Variants in THSD7B observed in about 807,000 individuals in gnomAD.
The protein encoded by THSD7B is thrombospondin type-1 domain-containing protein 7B.
In THSD7B, 138 loss-of-function variants were observed where a neutral mutation model predicts 213.6. That is an observed-to-expected ratio of 0.65 (90% CI 0.56 to 0.74). The LOEUF (loss-of-function observed/expected upper bound fraction) is 0.74. Among genes scored for constraint, THSD7B ranks in the 30% least tolerant of loss-of-function variants. The probability of loss-of-function intolerance (pLI) is 0.00; values close to 1 mark genes in which losing one functional copy is unlikely to be tolerated. For synonymous variants in THSD7B, 742 were observed against 687.0 expected (o/e 1.08, Z -1.25); for missense variants, 1,931 against 1,991.5 (o/e 0.97, Z 0.58).
chr2:136,835,988 T>C (rs1682835405), intron 1 of THSD7B, among the ~76,000 whole-genome samples: 1 of 152,202 alleles, frequency 6.6e-6, no homozygotes, highest in Non-Finnish European at 1.5e-5. Flanking sequence ...GACTACTCTT[T>C]AATCTTTGTT....
chr2:137,659,587 A>T (rs1176753174), intron 24 of THSD7B, 77 bp from the exon 25 acceptor site: 1 of 1,347,350 alleles, frequency 7.4e-7, no homozygotes, highest in East Asian at 2.6e-5. Flanking sequence ...CCGGTGGCAC[A>T]GGTTAAAAAA....
chr2:137,331,880 CG>C (rs1041779891), intron 12 of THSD7B, among the ~76,000 whole-genome samples: 6 of 152,130 alleles, frequency 3.9e-5, no homozygotes, highest in African/African-American at 9.6e-5. Context: ...CCGGGGCCGG[CG>C]GGGCCGGCCG....
chr2:137,423,072 C>T (rs1686962207), intron 14 of THSD7B, among the ~76,000 whole-genome samples: 1 of 152,004 alleles, frequency 6.6e-6, no homozygotes, highest in African/African-American at 2.4e-5. Flanking sequence ...AGAAAGTAAA[C>T]AGAACTTCTA....
At chr2:137,249,572 G>A (rs1319328636) in intron 10 of THSD7B, among the ~76,000 whole-genome samples, 1 of 152,152 alleles carries the variant, frequency 6.6e-6, no homozygotes, top group East Asian at 1.9e-4. Flanking sequence ...AGAAAGACCT[G>A]AAATCTACAG....
rs553559076 is a variant in THSD7B at position 137,430,820 on chromosome 2, T to C, written c.2959+18948T>C. Among the ~76,000 whole-genome samples, 19 of 152,030 alleles carry C rather than the reference T, an allele frequency of 1.2e-4. No individual in the cohort carries two copies. The South Asian group carries it at 4.0e-3, about 32-fold the overall frequency. On this transcript the variant is annotated intron_variant, in intron 14 of 27. Transcript: ENST00000409968. ...TGAGACAAGTCAGCAACCATAGGGA[T>C]GGGGAGGGAAGACACTGACCAGAGG... is the stretch of plus-strand genomic sequence containing the variant.
chr2:137,586,374 C>T (rs1681727992), intron 17 of THSD7B, among the ~76,000 whole-genome samples: 1 of 152,158 alleles, frequency 6.6e-6, no homozygotes, highest in East Asian at 1.9e-4. Context: ...TTGATCCTGT[C>T]ATTATGATGC....
intron 1 of THSD7B, among the ~76,000 whole-genome samples, chr2:136,789,612 G>C (rs1434912002): frequency 6.6e-6 from 1 of 152,072 alleles, no homozygotes; most frequent in South Asian, 2.1e-4. Flanking sequence ...AAAAAGATTT[G>C]CTGTGTGCTC....
intron 2 of THSD7B, among the ~76,000 whole-genome samples, chr2:136,899,052 A>T (rs1318228770): frequency 6.6e-6 from 1 of 152,154 alleles, no homozygotes; most frequent in Admixed American, 6.5e-5. Context: ...AATATAGCAA[A>T]TACCCTTTAA....
At chr2:137,528,671 C>G (rs1048878121) in intron 15 of THSD7B, among the ~76,000 whole-genome samples, 1 of 152,018 alleles carries the variant, frequency 6.6e-6, no homozygotes, top group African/African-American at 2.4e-5. Flanking sequence ...TTCAATAATT[C>G]CCTTAGATTT....
intron 12 of THSD7B, among the ~76,000 whole-genome samples, chr2:137,370,510 C>G (rs946228266): frequency 7.2e-5 from 11 of 152,072 alleles, no homozygotes; most frequent in African/African-American, 2.7e-4. Flanking sequence ...ACTCTGTTGC[C>G]CAGTCTGGAA....
chr2:136,898,365 T>C (rs1684000761), intron 2 of THSD7B, among the ~76,000 whole-genome samples: 2 of 152,178 alleles, frequency 1.3e-5, no homozygotes, highest in African/African-American at 4.8e-5. Flanking sequence ...TGCAATAGAT[T>C]GTTTAAAAAT....
intron 15 of THSD7B, among the ~76,000 whole-genome samples, chr2:137,542,123 A>G (rs1680621824): frequency 6.6e-6 from 1 of 151,762 alleles, no homozygotes; most frequent in African/African-American, 2.4e-5. Flanking sequence ...TGTGGAACAT[A>G]AACTCAGAGC....
chr2:137,219,181 G>T (rs1354171441), intron 7 of THSD7B, among the ~76,000 whole-genome samples: 2 of 152,024 alleles, frequency 1.3e-5, no homozygotes, highest in African/African-American at 2.4e-5. Context: ...GCCATGTTCT[G>T]CAAAATTGAA....
chr2:137,571,480 A>C (rs1421163359), intron 16 of THSD7B, among the ~76,000 whole-genome samples: 2 of 152,208 alleles, frequency 1.3e-5, no homozygotes, highest in East Asian at 3.8e-4. Flanking sequence ...CATAGTATGT[A>C]TAGGTTTAGC....
chr2:137,160,140 G>C lies in THSD7B; in HGVS notation c.1370-73G>C, dbSNP rs546819379. The C allele has an allele frequency of 1.4e-5, 21 of 1,468,218 alleles. No individual in the cohort carries two copies. The African/African-American group carries it at 1.6e-4, about 11-fold the overall frequency. The allele number at this position is 1,468,218 out of a possible 1,614,324, so 90.9% of individuals were successfully genotyped here. ...AATGTTTTATTTGCAAGACAGGCAT[G>C]CAAATAAAGGCAGAAGCAATGCTAA... On this transcript the variant is annotated intron_variant, in intron 5 of 27. Coordinates refer to ENST00000409968, the MANE Select transcript of THSD7B (RefSeq NM_001316349.2).
rs530995951 is a variant in THSD7B at position 137,354,831 on chromosome 2, G to GT, written c.2501-50771dup. Among the ~76,000 whole-genome samples, 113 of 144,518 alleles carry GT rather than the reference G, an allele frequency of 7.8e-4. 1 individual carries two copies. The highest frequency in any genetic ancestry group is 1.9e-3 in the Admixed American group (28 of 14,478). 94.8% of individuals were successfully genotyped at this position (144,518 alleles called of 152,430 possible). The stretch of plus-strand genomic sequence containing the variant: ...GTTCCCTCTGGGTATCTGAGCAGCT[G>GT]TTTTTTTTTTTCTAAGTCTTGATCA... On this transcript the variant is annotated intron_variant, in intron 12 of 27. Coordinates refer to ENST00000409968, the MANE Select transcript of THSD7B (RefSeq NM_001316349.2).
intron 1 of THSD7B, among the ~76,000 whole-genome samples, chr2:136,816,331 T>C (rs1182470505): frequency 1.3e-5 from 2 of 152,252 alleles, no homozygotes; most frequent in Non-Finnish European, 2.9e-5. Flanking sequence ...TTTGATATTG[T>C]TAAATGTCTA....
intron 7 of THSD7B, among the ~76,000 whole-genome samples, chr2:137,172,915 G>A (rs1356741349): frequency 1.3e-5 from 2 of 152,140 alleles, no homozygotes; most frequent in African/African-American, 4.8e-5. Flanking sequence ...GTTGAGTTTG[G>A]AGTAAGAAGT....
chr2:137,531,304 C>A (rs1680393009), intron 15 of THSD7B, among the ~76,000 whole-genome samples: 1 of 151,852 alleles, frequency 6.6e-6, no homozygotes. Context: ...GGCAATTAGG[C>A]TTAATACTGA....
Sources: gnomAD v4.1 joint callset for allele counts (sites outside exome capture counted in the v4.1 genomes callset) on GRCh38, gnomAD v4.1.1 for gene constraint, MANE v1.5 for transcripts, NCBI Gene and HGNC (gene_info 2026-07-23, HGNC 2026-07-21) for gene names.